UNC5C: variants seen among roughly 807,000 people sequenced by gnomAD.
UNC5C encodes netrin receptor UNC5C.
Under a neutral mutation model 99.8 loss-of-function variants are expected in UNC5C, and 47 were observed. The ratio of observed to expected loss-of-function variants is 0.47; its 90% confidence interval spans 0.37 to 0.60. The LOEUF is 0.60. UNC5C is among the 20% of genes least tolerant of loss of function. The probability of loss-of-function intolerance (pLI) is 0.00; values close to 1 mark genes in which losing one functional copy is unlikely to be tolerated. For missense variants in UNC5C, 1,062 were observed against 1,165.9 expected, an observed-to-expected ratio of 0.91 and a Z score of 1.30; for synonymous variants, 487 against 452.2, an observed-to-expected ratio of 1.08 and a Z score of -0.98.
At chr4:95,304,176 C>T (rs1009188014) in intron 2 of UNC5C, among the ~76,000 whole-genome samples, 3 of 152,056 alleles carry the variant, frequency 2.0e-5, no homozygotes, top group African/African-American at 4.8e-5. Context: ...AATCCCAAGG[C>T]GTGACAGGAT....
intron 12 of UNC5C, among the ~76,000 whole-genome samples, chr4:95,197,980 C>CTTTT (rs1211335596): frequency 1.7e-5 from 2 of 119,930 alleles, no homozygotes; most frequent in Non-Finnish European, 3.4e-5. Flanking sequence ...GAGCCTCTCC[C>CTTTT]TTTTTTTTTT....
At chr4:95,196,203 A>T (rs1182992745) in intron 12 of UNC5C, among the ~76,000 whole-genome samples, 2 of 152,154 alleles carry the variant, frequency 1.3e-5, no homozygotes, top group Non-Finnish European at 2.9e-5. Flanking sequence ...TGGTCTATTT[A>T]TACTAGGATT....
In UNC5C at chr4:95,287,947, A is replaced by G. The variant is rs1471039607; in HGVS notation, c.491-9585T>C. On this transcript the variant is annotated intron_variant, in intron 3 of 15. Coordinates refer to ENST00000453304, the MANE Select transcript of UNC5C (RefSeq NM_003728.4). Reference sequence around the variant, plus strand: ...CCTTAGTAAATGCTGAGTTAAATTCAGTTCCCAAAATAATCTGGCAATTCC... The same window carrying G: ...CCTTAGTAAATGCTGAGTTAAATTCGGTTCCCAAAATAATCTGGCAATTCC... 4.6e-5 allele frequency among the ~76,000 whole-genome samples: 7 copies of G among 152,278 alleles called. No homozygotes were observed. In the East Asian group the frequency reaches 9.6e-4, roughly 21 times the overall value.
intron 1 of UNC5C, among the ~76,000 whole-genome samples, chr4:95,499,334 A>G (rs1721711754): frequency 6.6e-6 from 1 of 152,072 alleles, no homozygotes; most frequent in Admixed American, 6.6e-5. Flanking sequence ...CTGTCTTTAT[A>G]AATAATTCTC....
rs565067243 is a variant in UNC5C, at chr4:95,520,363, G to A, written c.124+28371C>T. ...TAAACATTTTTCATTTTTTAACACC[G>A]ATTGACTCATTGTACTTGTCAGGTT... On this transcript the variant is annotated intron_variant, in intron 1 of 15. Coordinates refer to ENST00000453304, the MANE Select transcript of UNC5C (RefSeq NM_003728.4). 8.5e-5 allele frequency among the ~76,000 whole-genome samples: 13 copies of A among 152,104 alleles called. 1 individual carries two copies. The South Asian group carries it at 1.0e-3, about 12-fold the overall frequency.
intron 1 of UNC5C, among the ~76,000 whole-genome samples, chr4:95,354,208 T>C (rs970602321): frequency 6.6e-6 from 1 of 151,984 alleles, no homozygotes; most frequent in African/African-American, 2.4e-5. Flanking sequence ...GCCTGCTGTC[T>C]AAAGGTAAGA....
chr4:95,524,452 C>T (rs1033887766), intron 1 of UNC5C, among the ~76,000 whole-genome samples: 4 of 152,198 alleles, frequency 2.6e-5, no homozygotes, highest in African/African-American at 9.7e-5. Flanking sequence ...TGTCAGGCAG[C>T]TGGCAAATAT....
intron 1 of UNC5C, among the ~76,000 whole-genome samples, chr4:95,439,136 A>T (rs536120645): frequency 2.0e-5 from 3 of 152,156 alleles, no homozygotes; most frequent in Non-Finnish European, 4.4e-5. Flanking sequence ...CACAGGCCAC[A>T]TTGAGCTTAT....
intron 7 of UNC5C, among the ~76,000 whole-genome samples, chr4:95,241,459 G>T (rs537563144): frequency 6.6e-6 from 1 of 152,138 alleles, no homozygotes; most frequent in Non-Finnish European, 1.5e-5. Flanking sequence ...CATAAGTGTG[G>T]TAAAAACAAA....
chr4:95,397,301 T>G (rs1206253899), intron 1 of UNC5C, among the ~76,000 whole-genome samples: 2 of 152,250 alleles, frequency 1.3e-5, no homozygotes, highest in African/African-American at 4.8e-5. Flanking sequence ...GTTAATAAAC[T>G]GGTGCATTTA....
intron 1 of UNC5C, among the ~76,000 whole-genome samples, chr4:95,364,153 A>G (rs1321462545): frequency 1.3e-5 from 2 of 152,106 alleles, no homozygotes; most frequent in South Asian, 4.1e-4. Context: ...CAAAAATACC[A>G]AAGGTCTGAA....
intron 1 of UNC5C, among the ~76,000 whole-genome samples, chr4:95,520,108 T>G (rs181847381): frequency 2.6e-4 from 39 of 152,280 alleles, no homozygotes; most frequent in Admixed American, 4.6e-4. Flanking sequence ...AAAGGTAAAA[T>G]GACTTTCCCA....
chr4:95,179,140 A>G (rs1301480004), intron 14 of UNC5C, among the ~76,000 whole-genome samples: 3 of 152,200 alleles, frequency 2.0e-5, no homozygotes, highest in Admixed American at 2.0e-4. Context: ...AACAGCTGCT[A>G]TGGGTGATGA....
chr4:95,457,537 G>A (rs1490514004), intron 1 of UNC5C, among the ~76,000 whole-genome samples: 4 of 151,998 alleles, frequency 2.6e-5, no homozygotes, highest in Admixed American at 6.6e-5. Context: ...AAGAGCACAC[G>A]GCTGAACGGC....
chr4:95,342,478 A>G (rs1743615091), intron 1 of UNC5C, among the ~76,000 whole-genome samples: 1 of 152,026 alleles, frequency 6.6e-6, no homozygotes, highest in East Asian at 1.9e-4. Context: ...TGCTGAGTAA[A>G]GAGAACTTAG....
At chr4:95,469,461 C>T (rs1440291477) in intron 1 of UNC5C, among the ~76,000 whole-genome samples, 1 of 152,074 alleles carries the variant, frequency 6.6e-6, no homozygotes, top group Non-Finnish European at 1.5e-5. Flanking sequence ...CTTATAATAA[C>T]CCTGCACCCA....
chr4:95,533,212 A>G (rs1341668625), intron 1 of UNC5C, among the ~76,000 whole-genome samples: 1 of 152,108 alleles, frequency 6.6e-6, no homozygotes, highest in Non-Finnish European at 1.5e-5. Flanking sequence ...CCTGACCAAC[A>G]TGGTAAAACC....
intron 2 of UNC5C, among the ~76,000 whole-genome samples, chr4:95,323,897 A>T (rs947714932): frequency 2.0e-5 from 3 of 152,076 alleles, no homozygotes; most frequent in Non-Finnish European, 4.4e-5. Flanking sequence ...TTAGCTGGGC[A>T]TGGTGGCACA....
At chr4:95,348,380 A>G (rs918862019) in intron 1 of UNC5C, among the ~76,000 whole-genome samples, 1 of 151,728 alleles carries the variant, frequency 6.6e-6, no homozygotes, top group African/African-American at 2.4e-5. Context: ...TAAAAATAGA[A>G]CTACCATGCA....
Sources: allele counts gnomAD v4.1 joint callset (sites outside exome capture counted in the v4.1 genomes callset), GRCh38; gene constraint gnomAD v4.1.1; transcripts MANE v1.5; gene names NCBI Gene and HGNC (gene_info 2026-07-23, HGNC 2026-07-21).